CTNNA2: variants seen among roughly 807,000 people sequenced by gnomAD.
CTNNA2 encodes catenin alpha 2, also known as catenin alpha-2.
Under a neutral mutation model 101.0 loss-of-function variants are expected in CTNNA2, and 42 were observed. The ratio of observed to expected loss-of-function variants is 0.42; its 90% CI spans 0.32 to 0.54. The LOEUF is 0.54. Among genes scored for constraint, CTNNA2 ranks in the 20% least tolerant of loss-of-function variants. CTNNA2 has a pLI of 0.14. For missense variants in CTNNA2, 871 were observed against 1,223.1 expected (o/e 0.71, Z 4.29); for synonymous variants, 450 against 456.4 (o/e 0.99, Z 0.18).
chr2:79,715,410 TG>T (rs769639809), intron 2 of CTNNA2, among the ~76,000 whole-genome samples: 4 of 152,070 alleles, frequency 2.6e-5, no homozygotes, highest in Non-Finnish European at 4.4e-5. Context: ...CAGGTAGATT[TG>T]GGGGCAGTAC....
chr2:79,670,400 G>A (rs912006284), intron 2 of CTNNA2, among the ~76,000 whole-genome samples: 4 of 152,154 alleles, frequency 2.6e-5, no homozygotes, highest in Non-Finnish European at 5.9e-5. Flanking sequence ...AAAAGACCTG[G>A]GTCTGCAGTT....
chr2:79,864,301 G>A (rs905859839), intron 4 of CTNNA2, among the ~76,000 whole-genome samples: 2 of 152,202 alleles, frequency 1.3e-5, no homozygotes, highest in South Asian at 2.1e-4. Flanking sequence ...ACAAAGGCAT[G>A]AGATTAAGAG....
chr2:79,593,446 G>T (rs74429369), intron 1 of CTNNA2, among the ~76,000 whole-genome samples: 3,654 of 152,202 alleles, frequency 0.024, 147 homozygotes, highest in African/African-American at 0.081. Flanking sequence ...TTACATTTCC[G>T]GTGTAGTATC....
chr2:79,742,109 C>T (rs143949079), intron 2 of CTNNA2, among the ~76,000 whole-genome samples: 14 of 152,130 alleles, frequency 9.2e-5, no homozygotes, highest in Admixed American at 1.3e-4. Context: ...TTCTTCCCCC[C>T]CACAAAACTG....
intron 7 of CTNNA2, among the ~76,000 whole-genome samples, chr2:80,262,905 A>T (rs1386623148): frequency 1.8e-5 from 1 of 55,330 alleles, no homozygotes; most frequent in Non-Finnish European, 6.8e-5. Context: ...TTCCATCAAC[A>T]ACAATATTGA....
chr2:80,503,245 T>A (rs1688017229), intron 9 of CTNNA2, among the ~76,000 whole-genome samples: 1 of 152,336 alleles, frequency 6.6e-6, no homozygotes, highest in African/African-American at 2.4e-5. Flanking sequence ...TAGAAATCTT[T>A]CAATCATAGG....
chr2:80,374,766 C>A (rs1488254233), intron 7 of CTNNA2, among the ~76,000 whole-genome samples: 1 of 150,824 alleles, frequency 6.6e-6, no homozygotes, highest in African/African-American at 2.4e-5. Flanking sequence ...GGGCTGAGAT[C>A]GTTAGGACTA....
At chr2:79,382,404 G>T (rs935968791) in intron 4 of CTNNA2, among the ~76,000 whole-genome samples, 2 of 152,036 alleles carry the variant, frequency 1.3e-5, no homozygotes, top group Non-Finnish European at 2.9e-5. Flanking sequence ...GTCTGGGTAT[G>T]TGTGTGTATA....
At chr2:79,861,467 A>G (rs926831603) in intron 4 of CTNNA2, among the ~76,000 whole-genome samples, 2 of 152,214 alleles carry the variant, frequency 1.3e-5, no homozygotes, top group African/African-American at 2.4e-5. Context: ...GCCTCTAAAA[A>G]TGAGTAAAGG....
intron 2 of CTNNA2, among the ~76,000 whole-genome samples, chr2:79,286,595 G>C (rs1675594310): frequency 6.6e-6 from 1 of 152,124 alleles, no homozygotes; most frequent in African/African-American, 2.4e-5. Context: ...ACTCTCTTCT[G>C]GCTTGTAGAG....
upstream of CTNNA2, among the ~76,000 whole-genome samples, chr2:79,508,959 A>G (rs1297012920): frequency 0.012 from 1 of 84 alleles, no homozygotes; most frequent in Non-Finnish European, 0.021. Flanking sequence ...ATTGCAGTAT[A>G]TATATATATA....
chr2:80,282,433 G>T (rs1363689274), intron 7 of CTNNA2, among the ~76,000 whole-genome samples: 2 of 151,700 alleles, frequency 1.3e-5, no homozygotes, highest in Non-Finnish European at 2.9e-5. Flanking sequence ...ACTTAGTTTT[G>T]GTAACATAGT....
At chr2:79,861,814 A>G (rs1030732) in intron 4 of CTNNA2, among the ~76,000 whole-genome samples, 126,882 of 152,180 alleles carry the variant, frequency 0.83, 52,908 homozygotes, top group African/African-American at 0.85. Flanking sequence ...TGAGAATTTA[A>G]TGTTCCTGAG....
chr2:80,191,765 CA>C (rs1358538138), intron 7 of CTNNA2, among the ~76,000 whole-genome samples: 1 of 152,132 alleles, frequency 6.6e-6, no homozygotes, highest in Non-Finnish European at 1.5e-5. Context: ...TTCAACACTG[CA>C]GTGTAAATGA....
intron 1 of CTNNA2, among the ~76,000 whole-genome samples, chr2:79,617,144 C>T (rs182168511): frequency 1.3e-5 from 2 of 152,158 alleles, no homozygotes; most frequent in South Asian, 2.1e-4. Context: ...CCTCGTGATC[C>T]GCCCACCTTG....
chr2:79,837,884 C>T (rs1679510738), intron 3 of CTNNA2, among the ~76,000 whole-genome samples: 1 of 152,004 alleles, frequency 6.6e-6, no homozygotes, highest in Non-Finnish European at 1.5e-5. Flanking sequence ...TTTGTAATTT[C>T]CAAACATGGC....
At chr2:80,297,605 G>A (rs1675860474) in intron 7 of CTNNA2, among the ~76,000 whole-genome samples, 1 of 152,166 alleles carries the variant, frequency 6.6e-6, no homozygotes, top group South Asian at 2.1e-4. Flanking sequence ...CCAATCAGAA[G>A]TAAGAATTTT....
At chr2:80,510,618 G>GA (rs1450612355) in intron 9 of CTNNA2, among the ~76,000 whole-genome samples, 1 of 152,138 alleles carries the variant, frequency 6.6e-6, no homozygotes, top group African/African-American at 2.4e-5. Context: ...AATATATGCT[G>GA]AAAAAATTGG....
intron 7 of CTNNA2, among the ~76,000 whole-genome samples, chr2:79,930,242 C>A (rs1687296125): frequency 2.4e-5 from 2 of 82,632 alleles, no homozygotes; most frequent in Admixed American, 1.3e-4. Context: ...GACTCTGTCT[C>A]AAAGAAAGAA....
Sources: allele counts gnomAD v4.1 joint callset (sites outside exome capture counted in the v4.1 genomes callset), GRCh38; gene constraint gnomAD v4.1.1; transcripts MANE v1.5; gene names NCBI Gene and HGNC (gene_info 2026-07-23, HGNC 2026-07-21).